APAF1: variants seen among roughly 807,000 people sequenced by gnomAD.
The protein encoded by APAF1 is apoptotic protease-activating factor 1.
A neutral mutation model predicts 152.4 loss-of-function variants in APAF1; 91 were observed. That is an observed-to-expected ratio of 0.60 (90% CI 0.50 to 0.71). The LOEUF (loss-of-function observed/expected upper bound fraction) is 0.71. Ranked by LOEUF, APAF1 falls within the 30% of genes least tolerant of loss-of-function variation. The probability of loss-of-function intolerance (pLI) is 0.00; values close to 1 mark genes in which losing one functional copy is unlikely to be tolerated. For synonymous variants in APAF1, 484 were observed against 494.1 expected, an observed-to-expected ratio of 0.98 and a Z score of 0.27; for missense variants, 1,283 against 1,472.0, an observed-to-expected ratio of 0.87 and a Z score of 2.10.
intron 16 of APAF1, among the ~76,000 whole-genome samples, chr12:98,696,974 CAT>C (rs1053903507): frequency 2.6e-5 from 4 of 152,162 alleles, no homozygotes; most frequent in Non-Finnish European, 5.9e-5. Flanking sequence ...CCATGAAAAT[CAT>C]AAACGTATGA....
At chr12:98,670,793 A>G in intron 10 of APAF1, 180 bp from the exon 11 acceptor site, 1 of 471,488 alleles carries the variant, frequency 2.1e-6, no homozygotes. Flanking sequence ...TTTGGAGCTG[A>G]AGTATGAGGC....
chr12:98,657,393 A>G (rs1304895230), intron 4 of APAF1, among the ~76,000 whole-genome samples: 2 of 152,066 alleles, frequency 1.3e-5, no homozygotes, highest in African/African-American at 2.4e-5. Flanking sequence ...TTTTTTCTCT[A>G]TGCTGGGAAG....
At position 98,732,847 on chromosome 12, in the gene APAF1, T is replaced by A. The variant is rs1237047136; in HGVS notation, c.*281T>A. On this transcript the variant is annotated 3_prime_UTR_variant, in exon 27 of 27. Transcript: ENST00000551964. ...GTTGTACTGTTGGTAAAATTCTGTC[T>A]TGATGCATTCAAAATGGTTGACATA... The A allele has an allele frequency of 2.7e-6, 1 of 369,682 alleles. No homozygotes were observed. The highest frequency in any genetic ancestry group is 5.0e-6 in the Non-Finnish European group (1 of 201,530). The allele number at this position is 369,682 out of a possible 1,614,324, so 22.9% of individuals were successfully genotyped here. A position where few individuals can be genotyped will look rare whatever the true frequency, so the allele number is the denominator to read the frequency against.
At position 98,665,186 on chromosome 12, in the gene APAF1, C is replaced by A. The variant is rs142112677; in HGVS notation, c.956-367C>A. Reference sequence around the variant, plus strand: ...CCGGCACTATAGGCACACACCACCACACCTGGCTGATTTTTCTAATTTTTA... The same window carrying A: ...CCGGCACTATAGGCACACACCACCAAACCTGGCTGATTTTTCTAATTTTTA... On this transcript the variant is annotated intron_variant, in intron 7 of 26. Transcript: ENST00000551964. 3.4e-3 allele frequency among the ~76,000 whole-genome samples: 503 copies of A among 149,948 alleles called. 2 individuals are homozygous for A. Among genetic ancestry groups the A allele is most frequent in the African/African-American group, 0.011 (436 of 40,842 alleles).
chr12:98,659,416 A>C, intron 5 of APAF1, 73 bp downstream of exon 5: 1 of 1,463,462 alleles, frequency 6.8e-7, no homozygotes, highest in Non-Finnish European at 9.6e-7. Context: ...ACCTCTTGAG[A>C]ACATCATGCC....
chr12:98,647,564 G>T (rs1482797857), intron 1 of APAF1, among the ~76,000 whole-genome samples: 1 of 151,866 alleles, frequency 6.6e-6, no homozygotes, highest in Admixed American at 6.6e-5. Context: ...TAGAGACAGG[G>T]TTTCACCATC....
At chr12:98,668,125 TGTC>T (rs2097675716) in intron 10 of APAF1, among the ~76,000 whole-genome samples, 1 of 152,182 alleles carries the variant, frequency 6.6e-6, no homozygotes, top group Non-Finnish European at 1.5e-5. Context: ...CCACTGTTGT[TGTC>T]GTCGTTGTTT....
chr12:98,732,455 C>T lies in APAF1; in HGVS notation c.3636C>T (p.Thr1212=). 6.2e-7 allele frequency: 1 copy of T among 1,612,880 alleles called. No homozygotes were observed. Among genetic ancestry groups the T allele is most frequent in the Non-Finnish European group, 8.5e-7 (1 of 1,178,878 alleles). The change falls in exon 27 of 27, where the codon ACC becomes ACT. Residue 1212 remains threonine (T), a synonymous_variant. Transcript: ENST00000551964. ...WNVVTGESSQ[T]FYTNGTNLKK... is the part of the protein sequence containing the mutation. ...TTGTCACTGGGGAATCCTCACAGAC[C>T]TTCTACACAAATGGAACCAATCTTA... is the stretch of plus-strand genomic sequence containing the variant.
intron 12 of APAF1, among the ~76,000 whole-genome samples, chr12:98,674,797 G>GACAT (rs1250409788): frequency 1.3e-5 from 2 of 152,138 alleles, no homozygotes; most frequent in African/African-American, 4.8e-5. Context: ...TAAACGTATA[G>GACAT]ACATACATAT....
intron 25 of APAF1, 133 bp from the exon 26 acceptor site, chr12:98,727,040 C>T (rs1472504196): frequency 1.3e-6 from 1 of 750,256 alleles, no homozygotes; most frequent in East Asian, 2.8e-5. Flanking sequence ...ATATTAGTAT[C>T]TGTGTTAGGG....
rs1188686896 is a variant in APAF1, at chr12:98,723,237, T to G, written c.3129T>G (p.His1043Gln). ...ACAAATGTATCTTTCTACGAGGCCA[T>G]CAGGAAACAGTGAAAGACTTTAGAC... ...QLDKCIFLRGHQETVKDFRLL... is the reference protein window; with the variant it reads ...QLDKCIFLRGQQETVKDFRLL... The change falls in exon 23 of 27, where the codon CAT (histidine) becomes CAG (glutamine). Residue 1043 changes from histidine (H) to glutamine (Q), a missense_variant. Coordinates refer to ENST00000551964, the MANE Select transcript of APAF1 (RefSeq NM_181861.2). 6.2e-7 allele frequency: 1 copy of G among 1,613,554 alleles called. No homozygotes were observed. The highest frequency in any genetic ancestry group is 1.7e-5 in the Admixed American group (1 of 60,030).
At chr12:98,702,623 G>A (rs2097716788) in intron 17 of APAF1, among the ~76,000 whole-genome samples, 4 of 151,702 alleles carry the variant, frequency 2.6e-5, no homozygotes, top group African/African-American at 9.7e-5. Context: ...TCAGGAGTTC[G>A]AGACCAGCCT....
rs1033710763 is a variant in APAF1, at chr12:98,732,690, A to G, written c.*124A>G. The G allele has an allele frequency of 1.5e-5, 10 of 675,416 alleles. No individual in the cohort carries two copies. The highest frequency in any genetic ancestry group is 1.1e-4 in the African/African-American group (6 of 55,162). The allele number at this position is 675,416 out of a possible 1,614,324, so 41.8% of individuals were successfully genotyped here. ...GTTGTGCAGTATTGCATTCATTACA[A>G]AAGTGTTTGTGGTTGGATGAATAAT... is the stretch of plus-strand genomic sequence containing the variant. On this transcript the variant is annotated 3_prime_UTR_variant, in exon 27 of 27. Transcript: ENST00000551964.
At chr12:98,690,129 A>G (rs532162168) in intron 16 of APAF1, among the ~76,000 whole-genome samples, 2 of 152,348 alleles carry the variant, frequency 1.3e-5, no homozygotes, top group African/African-American at 4.8e-5. Context: ...CAGCAATGCT[A>G]CTAACTCCTG....
chr12:98,693,874 T>C (rs1225617436), intron 16 of APAF1, among the ~76,000 whole-genome samples: 1 of 150,996 alleles, frequency 6.6e-6, no homozygotes, highest in Non-Finnish European at 1.5e-5. Flanking sequence ...TAAGAAAGAA[T>C]CTATGGGAAG....
intron 22 of APAF1, among the ~76,000 whole-genome samples, chr12:98,716,906 C>A (rs907739166): frequency 6.6e-5 from 10 of 151,932 alleles, no homozygotes; most frequent in Non-Finnish European, 1.5e-4. Flanking sequence ...CACTCTGTCA[C>A]CCAGGCTGGA....
intron 12 of APAF1, among the ~76,000 whole-genome samples, chr12:98,674,160 T>A (rs2097683981): frequency 6.6e-6 from 1 of 152,032 alleles, no homozygotes; most frequent in Non-Finnish European, 1.5e-5. Context: ...CATGCCTAAT[T>A]TTTTATTTTT....
chr12:98,697,269 GAATA>G (rs2097710959), intron 16 of APAF1, among the ~76,000 whole-genome samples: 1 of 152,256 alleles, frequency 6.6e-6, no homozygotes, highest in South Asian at 2.1e-4. Context: ...CCCTCAGCTT[GAATA>G]TAGCCTCCCC....
In APAF1 at chr12:98,692,490, G is replaced by T. The variant is rs574697776; in HGVS notation, c.2304+5617G>T. 7.2e-5 allele frequency among the ~76,000 whole-genome samples: 11 copies of T among 152,262 alleles called. No individual in the cohort carries two copies. The South Asian group carries it at 2.1e-3, about 29-fold the overall frequency. On this transcript the variant is annotated intron_variant, in intron 16 of 26. Coordinates refer to ENST00000551964, the MANE Select transcript of APAF1 (RefSeq NM_181861.2). The stretch of plus-strand genomic sequence containing the variant: ...TGCATGATGCTGATGCCGAGGTTTG[G>T]GTACAACTGGTCCTGTCATCCAGAT...
Sources: allele counts gnomAD v4.1 joint callset (sites outside exome capture counted in the v4.1 genomes callset), GRCh38; gene constraint gnomAD v4.1.1; transcripts MANE v1.5; gene names NCBI Gene and HGNC (gene_info 2026-07-23, HGNC 2026-07-21).